Variants in GLI3 observed in about 807,000 individuals in gnomAD.
The protein encoded by GLI3 is GLI family zinc finger 3, also known as transcription activator GLI3.
In GLI3, 20 loss-of-function variants were observed where a neutral mutation model predicts 100.8. The observed-to-expected ratio is 0.20, with a 90% confidence interval of 0.14 to 0.29. The LOEUF (loss-of-function observed/expected upper bound fraction) is 0.29. Ranked by LOEUF, GLI3 falls within the 10% of genes least tolerant of loss-of-function variation. GLI3 has a pLI of 1.00. For missense variants in GLI3, 2,040 were observed against 2,128.5 expected (o/e 0.96, Z 0.82); for synonymous variants, 938 against 860.5 (o/e 1.09, Z -1.58).
At chr7:42,194,759 C>CTTTT (rs61524545) in intron 2 of GLI3, among the ~76,000 whole-genome samples, 7 of 108,982 alleles carry the variant, frequency 6.4e-5, no homozygotes, top group Admixed American at 9.8e-5. Context: ...CTCTCTGTCT[C>CTTTT]TTTTTTTTTT....
At chr7:41,987,145 T>A (rs1258542653) in intron 10 of GLI3, among the ~76,000 whole-genome samples, 3 of 112,126 alleles carry the variant, frequency 2.7e-5, no homozygotes, top group Admixed American at 8.8e-5. Context: ...CACAGATGGG[T>A]TGAGTCAAAG....
chr7:42,210,343 C>A (rs1053469261), intron 2 of GLI3, among the ~76,000 whole-genome samples: 2 of 122,682 alleles, frequency 1.6e-5, no homozygotes, highest in African/African-American at 6.6e-5. Context: ...TGAAAGCCCC[C>A]CCCCCCCCCC....
At chr7:41,976,799 A>G (rs535447129) in intron 12 of GLI3, among the ~76,000 whole-genome samples, 1 of 152,208 alleles carries the variant, frequency 6.6e-6, no homozygotes, top group Non-Finnish European at 1.5e-5. Context: ...CCAGAATTTG[A>G]GCTAGACCTC....
At chr7:42,129,204 T>A (rs1047269935) in intron 3 of GLI3, among the ~76,000 whole-genome samples, 7 of 152,206 alleles carry the variant, frequency 4.6e-5, no homozygotes, top group Admixed American at 1.3e-4. Flanking sequence ...GAACCCATGA[T>A]GTCAGAGCTA....
chr7:42,148,758 A>C lies in GLI3; in HGVS notation c.125-290T>G, dbSNP rs370970540. ...GCAAATTGGCATCACCAGCTTCTAG[A>C]TGGGTCTGCCCATGAGGTTTCTGCT... On this transcript the variant is annotated intron_variant, in intron 2 of 14. Transcript: ENST00000395925. Among the ~76,000 whole-genome samples the C allele has an allele frequency of 1.8e-3, 267 of 152,282 alleles. 1 individual carries two copies. Among genetic ancestry groups the C allele is most frequent in the African/African-American group, 6.2e-3 (258 of 41,574 alleles).
intron 3 of GLI3, among the ~76,000 whole-genome samples, chr7:42,128,963 T>C (rs193256268): frequency 6.6e-6 from 1 of 152,168 alleles, no homozygotes; most frequent in Admixed American, 6.5e-5. Context: ...ACTATTGCAG[T>C]CTAGCAGAAA....
In GLI3 at chr7:41,972,468, T is replaced by G. The variant is rs747918141; in HGVS notation, c.1972A>C (p.Ser658Arg). Reference protein sequence around the residue: ...PRPPPPRDSGSHSQSRSPGRP... With the variant: ...PRPPPPRDSGRHSQSRSPGRP... ...CCAGGCGACCTGGACTGTGAATGGC[T>G]GCCGGAATCTCTCGGGGGTGGCGGC... Residue 658 changes from serine to arginine, a missense_variant, in exon 13 of 15, where the codon AGC becomes CGC. By Grantham distance (110) the Ser-to-Arg change is moderately radical. Transcript: ENST00000395925. The surrounding 1 kb of genome is among the most constrained non-coding windows in gnomAD (Gnocchi z 4.4). 7 of 1,613,464 alleles carry G rather than the reference T, an allele frequency of 4.3e-6. No individual in the cohort carries two copies. In the African/African-American group the frequency reaches 9.4e-5, roughly 22 times the overall value.
intron 1 of GLI3, among the ~76,000 whole-genome samples, chr7:42,260,042 C>G (rs1364753795): frequency 6.6e-6 from 1 of 152,148 alleles, no homozygotes; most frequent in Non-Finnish European, 1.5e-5. Flanking sequence ...AAAATGCTGA[C>G]TCAAAATGCC....
chr7:42,139,155 A>G (rs1328497954), intron 3 of GLI3, among the ~76,000 whole-genome samples: 1 of 152,124 alleles, frequency 6.6e-6, no homozygotes, highest in South Asian at 2.1e-4. Flanking sequence ...GAGTTTTCCA[A>G]TAAAATAAAA....
chr7:42,113,658 T>A, intron 3 of GLI3: 1 of 806,628 alleles, frequency 1.2e-6, no homozygotes, highest in Non-Finnish European at 2.2e-6. Context: ...GTACTTCTGA[T>A]GACTGTACAG....
At chr7:42,227,959 T>C (rs887968481) in intron 1 of GLI3, among the ~76,000 whole-genome samples, 4 of 152,220 alleles carry the variant, frequency 2.6e-5, no homozygotes, top group African/African-American at 9.6e-5. Flanking sequence ...GCTCTTTCTC[T>C]GCGCTTTCCT....
At chr7:42,157,902 AC>A (rs1366236732) in intron 2 of GLI3, among the ~76,000 whole-genome samples, 3 of 151,868 alleles carry the variant, frequency 2.0e-5, no homozygotes, top group Admixed American at 1.3e-4. Flanking sequence ...TATTAATAAC[AC>A]CCCCCGCTGG....
chr7:42,226,804 G>GC (rs1788589663), intron 1 of GLI3, among the ~76,000 whole-genome samples: 1 of 152,104 alleles, frequency 6.6e-6, no homozygotes, highest in Admixed American at 6.5e-5. Flanking sequence ...CATTCTAGAC[G>GC]CCCACACCTC....
At chr7:42,096,155 G>A (rs1785334161) in intron 3 of GLI3, among the ~76,000 whole-genome samples, 1 of 152,130 alleles carries the variant, frequency 6.6e-6, no homozygotes, top group South Asian at 2.1e-4. Flanking sequence ...GAGAAGACAG[G>A]GCAGCAGCTA....
At chr7:42,141,549 G>A (rs1358278399) in intron 3 of GLI3, among the ~76,000 whole-genome samples, 9 of 152,130 alleles carry the variant, frequency 5.9e-5, no homozygotes, top group Admixed American at 1.3e-4. Flanking sequence ...GCACATGTCT[G>A]TAATCCCAGC....
intron 3 of GLI3, among the ~76,000 whole-genome samples, chr7:42,104,827 G>A (rs1026852447): frequency 1.4e-4 from 21 of 152,156 alleles, no homozygotes; most frequent in African/African-American, 5.1e-4. Context: ...CACCACGTGA[G>A]GACACAGTGA....
At chr7:42,191,179 G>T (rs1787818992) in intron 2 of GLI3, among the ~76,000 whole-genome samples, 1 of 152,068 alleles carries the variant, frequency 6.6e-6, no homozygotes, top group African/African-American at 2.4e-5. Flanking sequence ...TAGTATTATA[G>T]ACTAATCTGG....
intron 10 of GLI3, among the ~76,000 whole-genome samples, chr7:41,996,244 T>C (rs1243976785): frequency 6.6e-6 from 1 of 152,244 alleles, no homozygotes; most frequent in East Asian, 1.9e-4. Context: ...CTGGCTAATT[T>C]TCCTAAATTA....
intron 3 of GLI3, among the ~76,000 whole-genome samples, chr7:42,114,445 A>C (rs1785796930): frequency 2.6e-5 from 4 of 152,282 alleles, no homozygotes; most frequent in Middle Eastern, 6.8e-3. Context: ...CTTGGGAAAA[A>C]AAAAAAGAAA....
Sources: gnomAD v4.1 joint callset for allele counts (sites outside exome capture counted in the v4.1 genomes callset) on GRCh38, gnomAD v4.1.1 for gene constraint, Gnocchi (gnomAD v3.1) non-coding constraint, MANE v1.5 for transcripts, NCBI Gene and HGNC (gene_info 2026-07-23, HGNC 2026-07-21) for gene names.